The following SLC39A7 variants were observed in gnomAD, a reference collection of about 807,000 sequenced individuals.
SLC39A7 encodes zinc transporter SLC39A7.
A neutral mutation model predicts 39.7 loss-of-function variants in SLC39A7; 25 were observed. The observed-to-expected ratio is 0.63, with a 90% confidence interval of 0.46 to 0.88. The LOEUF is 0.88. SLC39A7 is among the 40% of genes least tolerant of loss of function. The pLI, the probability that SLC39A7 is intolerant of heterozygous loss-of-function variation, is 0.00. For missense variants in SLC39A7, 501 were observed against 592.1 expected, an observed-to-expected ratio of 0.85 and a Z score of 1.60; for synonymous variants, 181 against 234.1, an observed-to-expected ratio of 0.77 and a Z score of 2.07.
rs1369887914 is a variant in SLC39A7 at position 33,203,810 on chromosome 6, G to A, written c.1407G>A (p.Glu469=). ...VIMMVLIAHL[E] ...TGATGGTGCTGATTGCCCACCTTGA[G>A]TGAGGGGTGGATAAACTACCCCTGC... is the stretch of plus-strand genomic sequence containing the variant. Residue 469 remains glutamate (E), a synonymous_variant, in exon 7 of 7, where the codon GAG becomes GAA. Transcript: ENST00000374677. 3 of 1,613,972 alleles carry A rather than the reference G, an allele frequency of 1.9e-6. No homozygotes were observed. In the South Asian group the frequency reaches 3.3e-5, roughly 18 times the overall value.
intron 5 of SLC39A7, 81 bp from the exon 6 acceptor site, chr6:33,202,829 G>A: frequency 6.4e-7 from 1 of 1,561,774 alleles, no homozygotes; most frequent in South Asian, 1.1e-5. Flanking sequence ...TCTCTGAGGG[G>A]AGGTGTGAGA....
rs1231726546 is a variant in SLC39A7, at chr6:33,202,598, G to A, written c.838G>A (p.Glu280Lys). The change falls in exon 5 of 7, where the codon GAA becomes AAA. Residue 280 changes from glutamate (E) to lysine (K), a missense_variant. Coordinates refer to ENST00000374677, the MANE Select transcript of SLC39A7 (RefSeq NM_006979.3). The stretch of plus-strand genomic sequence containing the variant: ...GGAGAAGCAGAGCTCAGAGGAAGAA[G>A]AAAAGGAAACAAGAGGGGTTCAGAA... ...TKEKQSSEEE[E>K]KETRGVQKRR... 1 of 1,610,396 alleles carries A rather than the reference G, an allele frequency of 6.2e-7. No homozygotes were observed. The highest frequency in any genetic ancestry group is 8.5e-7 in the Non-Finnish European group (1 of 1,179,360).
rs749660295 is a variant in SLC39A7 at position 33,201,930 on chromosome 6, T to A, written c.580+17T>A. On this transcript the variant is annotated intron_variant, in intron 2 of 6. Coordinates refer to ENST00000374677, the MANE Select transcript of SLC39A7 (RefSeq NM_006979.3). The surrounding 1 kb of genome is among the most constrained non-coding windows in gnomAD (Gnocchi z 5.9). Reference sequence around the variant, plus strand: ...ATGCTCTTGGTAAGTAACCTCTGACTTCTACCTCAAATCTAACCTATTTCG... The same window carrying A: ...ATGCTCTTGGTAAGTAACCTCTGACATCTACCTCAAATCTAACCTATTTCG... 1.2e-6 allele frequency: 2 copies of A among 1,612,058 alleles called. No homozygotes were observed. Among genetic ancestry groups the A allele is most frequent in the Non-Finnish European group, 1.7e-6 (2 of 1,179,286 alleles).
Position 33,200,883 on chromosome 6 carries a change from T to C in SLC39A7, c.-363T>C. Reference sequence around the variant, plus strand: ...CGGAACTTCCTGTTCTCGCGGGATCTAAAGGCGGGACTGCCACGTCCAAGC... The same window carrying C: ...CGGAACTTCCTGTTCTCGCGGGATCCAAAGGCGGGACTGCCACGTCCAAGC... On this transcript the variant is annotated 5_prime_UTR_variant, in exon 1 of 7. Transcript: ENST00000374677. The surrounding 1 kb of genome is among the most constrained non-coding windows in gnomAD (Gnocchi z 6.3). 7.0e-7 allele frequency: 1 copy of C among 1,419,738 alleles called. No homozygotes were observed. Among genetic ancestry groups the C allele is most frequent in the Non-Finnish European group, 9.6e-7 (1 of 1,040,286 alleles). 87.9% of individuals were successfully genotyped at this position (1,419,738 alleles called of 1,614,324 possible).
chr6:33,203,004 G>A lies in SLC39A7; in HGVS notation c.1035G>A (p.Arg345=). ...TTGGGGCTTCCTTTCGAGGGGGCCG[G>A]GGACTAGGGATCCTGACCACAATGA... The part of the protein sequence containing the change: ...LAIGASFRGG[R]GLGILTTMTV... Residue 345 remains arginine, a synonymous_variant, in exon 6 of 7, where the codon CGG becomes CGA. Coordinates refer to ENST00000374677, the MANE Select transcript of SLC39A7 (RefSeq NM_006979.3). 1.2e-6 allele frequency: 2 copies of A among 1,612,628 alleles called. No individual in the cohort carries two copies. Among genetic ancestry groups the A allele is most frequent in the Non-Finnish European group, 1.7e-6 (2 of 1,179,888 alleles).
At position 33,201,706 on chromosome 6, in the gene SLC39A7, G is replaced by A; in HGVS notation, c.412-39G>A. On this transcript the variant is annotated intron_variant, in intron 1 of 6. Coordinates refer to ENST00000374677, the MANE Select transcript of SLC39A7 (RefSeq NM_006979.3). This position sits in a 1 kb window ranked among gnomAD's most constrained non-coding sequence, Gnocchi z 5.9. ...AGAAGGGCTGGTTCTGGATTGTTGG[G>A]AAACTCCACAGTACTTGACCTTGAC... 1 of 1,612,514 alleles carries A rather than the reference G, an allele frequency of 6.2e-7. No individual in the cohort carries two copies. The highest frequency in any genetic ancestry group is 1.3e-5 in the African/African-American group (1 of 74,954).
chr6:33,201,243 G>C lies in SLC39A7; in HGVS notation c.-3G>C, dbSNP rs1386428507. ...CACTGCCTCTGTCCCTCTGGTCAGC[G>C]TGATGGCCAGAGGCCTGGGGGCCCC... On this transcript the variant is annotated 5_prime_UTR_variant, in exon 1 of 7. Coordinates refer to ENST00000374677, the MANE Select transcript of SLC39A7 (RefSeq NM_006979.3). This position sits in a 1 kb window ranked among gnomAD's most constrained non-coding sequence, Gnocchi z 5.9. 5 of 1,608,090 alleles carry C rather than the reference G, an allele frequency of 3.1e-6. No individual in the cohort carries two copies. Among genetic ancestry groups the C allele is most frequent in the South Asian group, 1.1e-5 (1 of 90,788 alleles).
chr6:33,201,235 T>TG lies in SLC39A7; in HGVS notation c.-9dup. On this transcript the variant is annotated 5_prime_UTR_variant, in exon 1 of 7. Transcript: ENST00000374677. The surrounding 1 kb of genome is among the most constrained non-coding windows in gnomAD (Gnocchi z 5.9). ...AGTGGAGTCACTGCCTCTGTCCCTC[T>TG]GGTCAGCGTGATGGCCAGAGGCCTG... 6.2e-7 allele frequency: 1 copy of TG among 1,602,842 alleles called. No individual in the cohort carries two copies. The highest frequency in any genetic ancestry group is 8.5e-7 in the Non-Finnish European group (1 of 1,175,868).
Position 33,204,180 on chromosome 6 carries a change from C to T in SLC39A7, c.*367C>T. 2 of 464,124 alleles carry T rather than the reference C, an allele frequency of 4.3e-6. No homozygotes were observed. The highest frequency in any genetic ancestry group is 7.8e-6 in the Non-Finnish European group (2 of 255,904). The allele number at this position is 464,124 out of a possible 1,614,324, so 28.8% of individuals were successfully genotyped here. A position where few individuals can be genotyped will look rare whatever the true frequency, so the allele number is the denominator to read the frequency against. ...AGGAAGTTCTCCAAGGTCCAGTTTC[C>T]TTTCTCCCACCAGTTGGTGGAGGCT... On this transcript the variant is annotated 3_prime_UTR_variant, in exon 7 of 7. Coordinates refer to ENST00000374677, the MANE Select transcript of SLC39A7 (RefSeq NM_006979.3).
Position 33,201,323 on chromosome 6 carries a change from T to C in SLC39A7, c.78T>C (p.Ala26=), listed in dbSNP as rs1336479796. The change falls in exon 1 of 7, where the codon GCT becomes GCC. Residue 26 remains alanine (A), a synonymous_variant. Coordinates refer to ENST00000374677, the MANE Select transcript of SLC39A7 (RefSeq NM_006979.3). The surrounding 1 kb of genome is among the most constrained non-coding windows in gnomAD (Gnocchi z 5.9). ...GGGCGACCTTGGGGCTTCTGGTGGC[T>C]GGACTCGGGGGTCATGACGACCTGC... The part of the protein sequence containing the change: ...LTWATLGLLV[A]GLGGHDDLHD... 1 of 1,614,006 alleles carries C rather than the reference T, an allele frequency of 6.2e-7. No homozygotes were observed. The highest frequency in any genetic ancestry group is 1.1e-5 in the South Asian group (1 of 91,086).
In SLC39A7 at chr6:33,202,086, C is replaced by T. The variant is rs1774625123; in HGVS notation, c.595C>T (p.His199Tyr). The part of the protein sequence containing the change: ...IPHALEPHSH[H>Y]TLEQPGHGHS... ...CCTTCTTCCAGAACCTCATTCTCAC[C>T]ACACTCTGGAGCAACCCGGACATGG... is the stretch of plus-strand genomic sequence containing the variant. The change falls in exon 3 of 7, where the codon CAC becomes TAC. Residue 199 changes from histidine to tyrosine, a missense_variant. Physicochemically the swap from His to Tyr is moderately conservative, Grantham distance 83. Transcript: ENST00000374677. 6.2e-7 allele frequency: 1 copy of T among 1,612,954 alleles called. No homozygotes were observed. The highest frequency in any genetic ancestry group is 1.7e-5 in the Admixed American group (1 of 60,016).
chr6:33,201,059 C>A lies in SLC39A7; in HGVS notation c.-187C>A. The A allele has an allele frequency of 1.3e-6, 1 of 761,494 alleles. No homozygotes were observed. Among genetic ancestry groups the A allele is most frequent in the Non-Finnish European group, 2.3e-6 (1 of 437,450 alleles). 47.2% of individuals were successfully genotyped at this position (761,494 alleles called of 1,614,324 possible). A position where few individuals can be genotyped will look rare whatever the true frequency, so the allele number is the denominator to read the frequency against. ...CTGGTGAAAGATTAGTGTCCCAGGG[C>A]CCTACATCCGGGAGGTGGTTCGGGA... On this transcript the variant is annotated 5_prime_UTR_variant, in exon 1 of 7. Coordinates refer to ENST00000374677, the MANE Select transcript of SLC39A7 (RefSeq NM_006979.3). This position sits in a 1 kb window ranked among gnomAD's most constrained non-coding sequence, Gnocchi z 5.9.
At chr6:33,202,020 C>G in intron 2 of SLC39A7, 52 bp from the exon 3 acceptor site, 1 of 1,600,258 alleles carries the variant, frequency 6.2e-7, no homozygotes, top group Non-Finnish European at 8.6e-7. Context: ...CCCCCAAATA[C>G]ACACTCATTG....
At position 33,203,593 on chromosome 6, in the gene SLC39A7, G is replaced by A. The variant is rs1170389181; in HGVS notation, c.1190G>A (p.Cys397Tyr). 6.2e-7 allele frequency: 1 copy of A among 1,614,238 alleles called. No homozygotes were observed. Among genetic ancestry groups the A allele is most frequent in the Admixed American group, 1.7e-5 (1 of 60,038 alleles). The change falls in exon 7 of 7, where the codon TGT becomes TAT. Residue 397 changes from cysteine (C) to tyrosine (Y), a missense_variant. Transcript: ENST00000374677. ...GTAGGGGCACTGGCAGGCACAGCCT[G>A]TGCCCTTCTCACTGAAGGAGGAGCA... ...TAVGALAGTA[C>Y]ALLTEGGAVG... is the part of the protein sequence containing the mutation.
rs1240404833 is a variant in SLC39A7, at chr6:33,201,359, G to T, written c.114G>T (p.Leu38=). 1.2e-6 allele frequency: 2 copies of T among 1,614,028 alleles called. No homozygotes were observed. The highest frequency in any genetic ancestry group is 2.2e-5 in the East Asian group (1 of 44,890). ...LGGHDDLHDD[L]QEDFHGHSHR... ...GTCATGACGACCTGCACGACGATCT[G>T]CAAGAGGACTTCCATGGCCACAGCC... Residue 38 remains leucine (L), a synonymous_variant, in exon 1 of 7, where the codon CTG becomes CTT. Transcript: ENST00000374677. The surrounding 1 kb of genome is among the most constrained non-coding windows in gnomAD (Gnocchi z 5.9).
Position 33,201,045 on chromosome 6 carries a change from T to G in SLC39A7, c.-201T>G. The G allele has an allele frequency of 1.3e-6, 1 of 757,350 alleles. No homozygotes were observed. Among genetic ancestry groups the G allele is most frequent in the Non-Finnish European group, 2.3e-6 (1 of 430,524 alleles). 46.9% of individuals were successfully genotyped at this position (757,350 alleles called of 1,614,324 possible). A position where few individuals can be genotyped will look rare whatever the true frequency, so the allele number is the denominator to read the frequency against. ...AGTCTGTAAAGTGGCTGGTGAAAGATTAGTGTCCCAGGGCCCTACATCCGG... is the reference window on the plus strand; with the variant it reads ...AGTCTGTAAAGTGGCTGGTGAAAGAGTAGTGTCCCAGGGCCCTACATCCGG... On this transcript the variant is annotated 5_prime_UTR_variant, in exon 1 of 7. Transcript: ENST00000374677. The surrounding 1 kb of genome is among the most constrained non-coding windows in gnomAD (Gnocchi z 5.9).
In SLC39A7 at chr6:33,202,401, G is replaced by T. The variant is rs746003756; in HGVS notation, c.773G>T (p.Arg258Leu). 4.3e-6 allele frequency: 7 copies of T among 1,612,720 alleles called. No homozygotes were observed. The Admixed American group carries it at 6.7e-5, about 15-fold the overall frequency. Reference protein sequence around the residue: ...HGHGHAHSHTRGSHGHGRQER... With the variant: ...HGHGHAHSHTLGSHGHGRQER... ...CATGGACACGCTCACAGTCATACAC[G>T]TGGAAGTCATGGACATGGAAGACAA... The change falls in exon 4 of 7, where the codon CGT (arginine) becomes CTT (leucine). Residue 258 changes from arginine (R) to leucine (L), a missense_variant. Coordinates refer to ENST00000374677, the MANE Select transcript of SLC39A7 (RefSeq NM_006979.3).
rs76929655 is a variant in SLC39A7, at chr6:33,201,405, T to C, written c.160T>C (p.Phe54Leu). Residue 54 changes from phenylalanine to leucine, a missense_variant, in exon 1 of 7, where the codon TTC becomes CTC. Physicochemically the swap from Phe to Leu is conservative, Grantham distance 22. Coordinates refer to ENST00000374677, the MANE Select transcript of SLC39A7 (RefSeq NM_006979.3). The surrounding 1 kb of genome is among the most constrained non-coding windows in gnomAD (Gnocchi z 5.9). ...CAGCCACAGGCACTCACATGAAGAT[T>C]TCCACCATGGCCACAGCCATGCCCA... ...GHSHRHSHED[F>L]HHGHSHAHGH... 0.011 allele frequency: 18,382 copies of C among 1,613,992 alleles called. 149 individuals carry two copies. The highest frequency in any genetic ancestry group is 0.014 in the Non-Finnish European group (16,650 of 1,179,948).
Position 33,202,058 on chromosome 6 carries a change from C to T in SLC39A7, c.581-14C>T. 6.2e-7 allele frequency: 1 copy of T among 1,612,634 alleles called. No homozygotes were observed. The highest frequency in any genetic ancestry group is 8.5e-7 in the Non-Finnish European group (1 of 1,179,760). ...TCAGATATTCCCTCATCTGGTTTTC[C>T]CCCCTTCTTCCAGAACCTCATTCTC... On this transcript the variant is annotated splice_polypyrimidine_tract_variant and intron_variant, in intron 2 of 6. Transcript: ENST00000374677.
Sources: gnomAD v4.1 joint callset for allele counts on GRCh38, gnomAD v4.1.1 for gene constraint, Gnocchi (gnomAD v3.1) non-coding constraint, MANE v1.5 for transcripts, NCBI Gene and HGNC (gene_info 2026-07-23, HGNC 2026-07-21) for gene names.